Variants in CUEDC1 observed in about 807,000 individuals in gnomAD.
CUEDC1 encodes CUE domain-containing protein 1.
CUEDC1 carries 30 observed loss-of-function variants against 43.7 expected under a neutral mutation model. That is an observed-to-expected ratio of 0.69 (90% CI 0.51 to 0.93). CUEDC1 has a LOEUF of 0.93. Among genes scored for constraint, CUEDC1 ranks in the 40% least tolerant of loss-of-function variants. CUEDC1 has a pLI of 0.00. For missense variants in CUEDC1, 486 were observed against 549.0 expected (o/e 0.89, Z 1.15); for synonymous variants, 223 against 223.6 (o/e 1.00, Z 0.02).
intron 1 of CUEDC1, among the ~76,000 whole-genome samples, chr17:57,913,047 C>T (rs949524681): frequency 6.6e-5 from 10 of 152,086 alleles, no homozygotes; most frequent in Admixed American, 4.6e-4. Context: ...TGGGTGTCTC[C>T]GGGCACAGTG....
rs773676095 is a variant in CUEDC1 at position 57,873,656 on chromosome 17, G to A, written c.526C>T (p.Pro176Ser). The change falls in exon 4 of 11, where the codon CCA (proline) becomes TCA (serine). Residue 176 changes from proline (P) to serine (S), a missense_variant. Transcript: ENST00000577830. ...SQRRYRNWNP[P>S]LLGNLPDDFL... The stretch of plus-strand genomic sequence containing the variant: ...TCATCCGGAAGGTTGCCCAGCAGTG[G>A]TGGGTTCCAGTTCCGATAGCGTCTC... 13 of 1,605,948 alleles carry A rather than the reference G, an allele frequency of 8.1e-6. 1 individual carries two copies. In the South Asian group the frequency reaches 1.5e-4, roughly 18 times the overall value.
chr17:57,874,927 G>A (rs2074094533), intron 3 of CUEDC1, among the ~76,000 whole-genome samples: 1 of 152,156 alleles, frequency 6.6e-6, no homozygotes, highest in Non-Finnish European at 1.5e-5. Context: ...TGCCTGGTGG[G>A]AGCTCAGCTC....
chr17:57,875,227 G>C (rs1163722867), intron 3 of CUEDC1, among the ~76,000 whole-genome samples: 1 of 152,168 alleles, frequency 6.6e-6, no homozygotes, highest in Non-Finnish European at 1.5e-5. Flanking sequence ...CAGTTCTTGA[G>C]GTCTCAGGGT....
At chr17:57,916,920 G>C (rs1411780762) in intron 1 of CUEDC1, among the ~76,000 whole-genome samples, 1 of 152,202 alleles carries the variant, frequency 6.6e-6, no homozygotes, top group Non-Finnish European at 1.5e-5. Context: ...GTAACTTCCA[G>C]GGGAAAGTTT....
At chr17:57,949,888 G>C (rs1416310506) in intron 1 of CUEDC1, among the ~76,000 whole-genome samples, 3 of 152,044 alleles carry the variant, frequency 2.0e-5, no homozygotes, top group Admixed American at 1.3e-4. Context: ...AAGGGTGTGG[G>C]CCTGCAGCCA....
In CUEDC1 at chr17:57,866,585, G is replaced by A. The variant is rs770753322; in HGVS notation, c.1094-41C>T. ...AAGCTGCCTCATCCTCTACCCTGCA[G>A]GGCCTCGCTCAGGCACGGCCCCTAG... is the stretch of plus-strand genomic sequence containing the variant. On this transcript the variant is annotated intron_variant, in intron 9 of 10. Transcript: ENST00000577830. 19 of 1,607,338 alleles carry A rather than the reference G, an allele frequency of 1.2e-5. No individual in the cohort carries two copies. The African/African-American group carries it at 1.9e-4, about 16-fold the overall frequency.
At chr17:57,903,072 T>A (rs1480473591) in intron 1 of CUEDC1, 1 of 152,228 alleles carries the variant, frequency 6.6e-6, no homozygotes, top group African/African-American at 2.4e-5. Context: ...ATCCTGGCAA[T>A]GGTCCCACCT....
At chr17:57,933,437 G>A (rs1198895327) in intron 1 of CUEDC1, among the ~76,000 whole-genome samples, 1 of 152,128 alleles carries the variant, frequency 6.6e-6, no homozygotes, top group African/African-American at 2.4e-5. Context: ...CAAAAAAGCT[G>A]GGCAAGTTCA....
chr17:57,950,530 C>T (rs1287277901), intron 1 of CUEDC1, among the ~76,000 whole-genome samples: 8 of 149,270 alleles, frequency 5.4e-5, no homozygotes, highest in African/African-American at 1.5e-4. Context: ...TGGAGTGTAA[C>T]GCTGTGATCT....
intron 1 of CUEDC1, among the ~76,000 whole-genome samples, chr17:57,948,164 T>C (rs1389220080): frequency 6.6e-6 from 1 of 152,208 alleles, no homozygotes; most frequent in African/African-American, 2.4e-5. Flanking sequence ...GAGGGCCTCA[T>C]ATATATGCCT....
At chr17:57,893,431 C>T (rs2074377214) in intron 1 of CUEDC1, among the ~76,000 whole-genome samples, 1 of 151,806 alleles carries the variant, frequency 6.6e-6, no homozygotes. Context: ...GGCTTGTTTT[C>T]TTCCCAAGCT....
At chr17:57,894,707 C>G (rs529995733) in intron 1 of CUEDC1, among the ~76,000 whole-genome samples, 1 of 150,244 alleles carries the variant, frequency 6.7e-6, no homozygotes, top group Admixed American at 6.6e-5. Flanking sequence ...CAAAAAAGAC[C>G]TTTTCTTTTC....
intron 1 of CUEDC1, among the ~76,000 whole-genome samples, chr17:57,941,951 T>G (rs1393275478): frequency 6.6e-6 from 1 of 151,782 alleles, no homozygotes; most frequent in East Asian, 1.9e-4. Flanking sequence ...GAAGCCAGAG[T>G]CCGAAAATAA....
rs2074071530 is a variant in CUEDC1, at chr17:57,873,781, C to T, written c.465-64G>A. The T allele has an allele frequency of 7.6e-6, 11 of 1,452,322 alleles. No homozygotes were observed. In the South Asian group the frequency reaches 8.7e-5, roughly 12 times the overall value. The allele number at this position is 1,452,322 out of a possible 1,614,324, so 90.0% of individuals were successfully genotyped here. The stretch of plus-strand genomic sequence containing the variant: ...AGCCCAACCCCAGGTCTCCTGGCCC[C>T]ATCACACCAGGTCCTCAGGCAGGTC... On this transcript the variant is annotated intron_variant, in intron 3 of 10. Transcript: ENST00000577830.
At chr17:57,927,631 C>G (rs886700090) in intron 1 of CUEDC1, among the ~76,000 whole-genome samples, 2 of 152,164 alleles carry the variant, frequency 1.3e-5, no homozygotes, top group Non-Finnish European at 2.9e-5. Flanking sequence ...GCTCCCAACC[C>G]CTCAAATTTC....
rs773404075 is a variant in CUEDC1 at position 57,885,697 on chromosome 17, G to A, written c.-133C>T. ...TCCTGCGCCTCCTCCTCCCCGGGTAGCCAGGCAGCAATGGGCTGCCAAGAG... is the reference window on the plus strand; with the variant it reads ...TCCTGCGCCTCCTCCTCCCCGGGTAACCAGGCAGCAATGGGCTGCCAAGAG... On this transcript the variant is annotated 5_prime_UTR_variant, in exon 2 of 11. Coordinates refer to ENST00000577830, the MANE Select transcript of CUEDC1 (RefSeq NM_001271875.2). 4.0e-5 allele frequency: 51 copies of A among 1,287,478 alleles called. No individual in the cohort carries two copies. The highest frequency in any genetic ancestry group is 4.9e-5 in the Non-Finnish European group (50 of 1,017,138). 79.8% of individuals were successfully genotyped at this position (1,287,478 alleles called of 1,614,324 possible). A position where few individuals can be genotyped will look rare whatever the true frequency, so the allele number is the denominator to read the frequency against.
chr17:57,870,288 G>A lies in CUEDC1; in HGVS notation c.868+998C>T, dbSNP rs535737662. ...ACCCAGTAGTCTGCGCATCCCAGGAGCACTGCAGCCCCCTCACCCCTATCC... is the reference window on the plus strand; with the variant it reads ...ACCCAGTAGTCTGCGCATCCCAGGAACACTGCAGCCCCCTCACCCCTATCC... On this transcript the variant is annotated intron_variant, in intron 6 of 10. Transcript: ENST00000577830. Among the ~76,000 whole-genome samples the A allele has an allele frequency of 6.6e-5, 10 of 152,354 alleles. No individual in the cohort carries two copies. In the East Asian group the frequency reaches 1.9e-3, roughly 29 times the overall value.
At position 57,934,559 on chromosome 17, in the gene CUEDC1, TAAAAAA is replaced by T. The variant is rs575832390; in HGVS notation, c.-316+20660_-316+20665del. On this transcript the variant is annotated intron_variant, in intron 1 of 10. Transcript: ENST00000577830. The stretch of plus-strand genomic sequence containing the variant: ...GCAATATAGCAAGACCCTGTCTCTC[TAAAAAA>T]AAAAAAAAAAAAAAAAAAAAAGGAA... Among the ~76,000 whole-genome samples the T allele has an allele frequency of 2.3e-4, 15 of 65,366 alleles. No individual in the cohort carries two copies. The East Asian group carries it at 5.5e-3, about 24-fold the overall frequency. The allele number at this position is 65,366 out of a possible 152,430, so 42.9% of individuals were successfully genotyped here. A position where few individuals can be genotyped will look rare whatever the true frequency, so the allele number is the denominator to read the frequency against.
In CUEDC1 at chr17:57,905,249, G is replaced by GACACACACACACACACACACACACACAC. The variant is rs761744709; in HGVS notation, c.-315-19398_-315-19371dup. On this transcript the variant is annotated intron_variant, in intron 1 of 10. Transcript: ENST00000577830. ...GGCTACAGCTTCTCTCTCTCTCTCT[G>GACACACACACACACACACACACACACAC]ACACACACACACACACACACACACA... Among the ~76,000 whole-genome samples the GACACACACACACACACACACACACACAC allele has an allele frequency of 3.9e-4, 50 of 128,006 alleles. 2 individuals are homozygous for GACACACACACACACACACACACACACAC. The highest frequency in any genetic ancestry group is 6.5e-4 in the Non-Finnish European group (40 of 61,354). The allele number at this position is 128,006 out of a possible 152,430, so 84.0% of individuals were successfully genotyped here.
Sources: gnomAD v4.1 joint callset for allele counts (sites outside exome capture counted in the v4.1 genomes callset) on GRCh38, gnomAD v4.1.1 for gene constraint, MANE v1.5 for transcripts, NCBI Gene and HGNC (gene_info 2026-07-23, HGNC 2026-07-21) for gene names.